TAF1: variants seen among roughly 807,000 people sequenced by gnomAD.
The protein encoded by TAF1 is transcription initiation factor TFIID subunit 1.
Under a neutral mutation model 138.5 loss-of-function variants are expected in TAF1, and 2 were observed. The observed-to-expected ratio is 0.01, with a 90% CI of 0.01 to 0.05. The LOEUF (loss-of-function observed/expected upper bound fraction) is 0.05. TAF1 is among the 10% of genes least tolerant of loss of function. TAF1 has a pLI of 1.00. For synonymous variants in TAF1, 437 were observed against 503.2 expected, an observed-to-expected ratio of 0.87 and a Z score of 1.76; for missense variants, 709 against 1,478.0, an observed-to-expected ratio of 0.48 and a Z score of 8.53.
At chrX:71,458,842 G>A (rs2038420281) in intron 35 of TAF1, among the ~76,000 whole-genome samples, 1 of 111,566 alleles carries the variant, frequency 9.0e-6, no homozygotes, top group African/African-American at 3.3e-5. Context: ...AACCCAGGAG[G>A]GTTTTTCTAT....
At chrX:71,439,588 A>G (rs1417497016) in intron 32 of TAF1, among the ~76,000 whole-genome samples, 1 of 112,032 alleles carries the variant, frequency 8.9e-6, no homozygotes, top group African/African-American at 3.2e-5. Context: ...AGCTTGGTCT[A>G]TAGTCTTAGG....
At chrX:71,472,281 T>G (rs2147489528) in intron 13 of TAF1, among the ~76,000 whole-genome samples, 1 of 112,623 alleles carries the variant, frequency 8.9e-6, no homozygotes, top group South Asian at 3.7e-4. Flanking sequence ...CCTTATTTAC[T>G]TAGCCATTTC....
At chrX:71,507,827 A>G (rs994126170) in intron 13 of TAF1, among the ~76,000 whole-genome samples, 74 of 109,816 alleles carry the variant, frequency 6.7e-4, no homozygotes, top group Non-Finnish European at 3.4e-4. Flanking sequence ...ATGAATACTA[A>G]ATGCTAGTCA....
intron 18 of TAF1, among the ~76,000 whole-genome samples, chrX:71,391,012 G>T (rs1487692584): frequency 9.1e-6 from 1 of 109,598 alleles, no homozygotes; most frequent in Non-Finnish European, 1.9e-5. Context: ...AAAAAAGAAA[G>T]AAAGAAATGG....
intron 24 of TAF1, among the ~76,000 whole-genome samples, chrX:71,400,146 A>G (rs955915182): frequency 4.6e-5 from 5 of 107,744 alleles, no homozygotes; most frequent in Non-Finnish European, 9.6e-5. Flanking sequence ...CTGGAGTGCA[A>G]TGGTGTGATC....
In TAF1 at chrX:71,381,860, C is replaced by A. The variant is rs1278610044; in HGVS notation, c.1478C>A (p.Pro493His). The change falls in exon 9 of 38, where the codon CCC becomes CAC. Residue 493 changes from proline to histidine, a missense_variant. Transcript: ENST00000423759. ...ATCATTTGGGATGCTCAGGCCATGC[C>A]CCGGCTGTTGGAACCTCCTGTTTTG... ...DNIIWDAQAMPRLLEPPVLTL... is the reference protein window; with the variant it reads ...DNIIWDAQAMHRLLEPPVLTL... 8.4e-7 allele frequency: 1 copy of A among 1,183,888 alleles called. No individual in the cohort carries two copies. Among genetic ancestry groups the A allele is most frequent in the South Asian group, 1.9e-5 (1 of 52,715 alleles).
Position 71,449,738 on chromosome X carries a change from G to A in TAF1, c.4754-4432G>A, listed in dbSNP as rs764434929. ...GCTTGGTGAAGGAGGCCTGTAACCTGTATGCAGCCTATTTTCTCCAGCAAC... is the reference window on the plus strand; with the variant it reads ...GCTTGGTGAAGGAGGCCTGTAACCTATATGCAGCCTATTTTCTCCAGCAAC... On this transcript the variant is annotated intron_variant, in intron 32 of 37. Coordinates refer to ENST00000423759, the MANE Select transcript of TAF1 (RefSeq NM_004606.5). Among the ~76,000 whole-genome samples, 7 of 111,912 alleles carry A rather than the reference G, an allele frequency of 6.3e-5. No individual in the cohort carries two copies. The South Asian group carries it at 1.9e-3, about 30-fold the overall frequency.
rs28742602 is a variant in TAF1 at position 71,407,298 on chromosome X, C to G, written c.4108-276C>G. Among the ~76,000 whole-genome samples, 26 of 102,460 alleles carry G rather than the reference C, an allele frequency of 2.5e-4. No individual in the cohort carries two copies. The South Asian group carries it at 0.012, about 48-fold the overall frequency. The allele number at this position is 102,460 out of a possible 115,157, so 89.0% of individuals were successfully genotyped here. A position where few individuals can be genotyped will look rare whatever the true frequency, so the allele number is the denominator to read the frequency against. On this transcript the variant is annotated intron_variant, in intron 26 of 37. Coordinates refer to ENST00000423759, the MANE Select transcript of TAF1 (RefSeq NM_004606.5). ...AATGGTGTGATCTTGGCTCACTGCA[C>G]CCTTTGCCTCCCAGGTTCAAGTGAT... is the stretch of plus-strand genomic sequence containing the variant.
intron 28 of TAF1, among the ~76,000 whole-genome samples, chrX:71,410,248 T>G (rs918450174): frequency 4.5e-5 from 5 of 110,338 alleles, no homozygotes; most frequent in Non-Finnish European, 9.4e-5. Flanking sequence ...GTTATAACCC[T>G]CATTTTCCAG....
chrX:71,376,535 C>T (rs750728965), intron 4 of TAF1, among the ~76,000 whole-genome samples: 1 of 109,660 alleles, frequency 9.1e-6, no homozygotes, highest in East Asian at 2.9e-4. Flanking sequence ...GCTGTCGTGG[C>T]GCATGACTGT....
At chrX:71,491,805 G>A (rs2039291893) in intron 13 of TAF1, 1 of 109,277 alleles carries the variant, frequency 9.2e-6, no homozygotes, top group African/African-American at 3.3e-5. Context: ...GGGACTACAG[G>A]CGCCCGCCAC....
At chrX:71,435,358 G>A (rs2037086688) in intron 32 of TAF1, among the ~76,000 whole-genome samples, 2 of 112,203 alleles carry the variant, frequency 1.8e-5, no homozygotes, top group African/African-American at 3.2e-5. Flanking sequence ...TCCTATGCCT[G>A]TGCAGCTTAG....
intron 32 of TAF1, among the ~76,000 whole-genome samples, chrX:71,451,903 G>A (rs768222697): frequency 8.9e-6 from 1 of 112,579 alleles, no homozygotes; most frequent in East Asian, 2.8e-4. Context: ...GCAACCATCC[G>A]ATTTCTCAAT....
chrX:71,458,867 C>T (rs758193234), intron 35 of TAF1, among the ~76,000 whole-genome samples: 21 of 111,686 alleles, frequency 1.9e-4, no homozygotes, highest in Admixed American at 8.6e-4. Context: ...AAGAGTTCAA[C>T]ACAAGCTATA....
intron 32 of TAF1, among the ~76,000 whole-genome samples, chrX:71,434,714 T>G (rs1405562412): frequency 8.9e-6 from 1 of 112,253 alleles, no homozygotes; most frequent in Non-Finnish European, 1.9e-5. Flanking sequence ...ACGTAAGTAC[T>G]AGATCAGTCT....
At chrX:71,454,270 G>A (rs753480626) in intron 33 of TAF1, 33 bp downstream of exon 33, 37 of 1,143,647 alleles carry the variant, frequency 3.2e-5, no homozygotes, top group Non-Finnish European at 4.3e-5. Context: ...CTAAGCCTGG[G>A]CAACATAAGG....
intron 37 of TAF1, among the ~76,000 whole-genome samples, chrX:71,461,861 G>A (rs182997591): frequency 7.2e-4 from 80 of 111,315 alleles, no homozygotes; most frequent in African/African-American, 2.5e-3. Context: ...TCTAGGACTT[G>A]GGTAGAGGTG....
intron 26 of TAF1, among the ~76,000 whole-genome samples, chrX:71,407,071 A>G (rs2035511340): frequency 9.2e-6 from 1 of 108,776 alleles, no homozygotes; most frequent in Non-Finnish European, 1.9e-5. Context: ...GCACACCACC[A>G]CACCCAGCTA....
chrX:71,378,733 T>C (rs2033658768), intron 7 of TAF1, 91 bp from the exon 8 acceptor site: 3 of 959,148 alleles, frequency 3.1e-6, no homozygotes, highest in Non-Finnish European at 4.4e-6. Flanking sequence ...CCACTTACAA[T>C]GTGTCTGATG....
Sources: gnomAD v4.1 joint callset for allele counts (sites outside exome capture counted in the v4.1 genomes callset) on GRCh38, gnomAD v4.1.1 for gene constraint, MANE v1.5 for transcripts, NCBI Gene and HGNC (gene_info 2026-07-23, HGNC 2026-07-21) for gene names.